Variants in DACH1 observed in about 807,000 individuals in gnomAD.
DACH1 encodes the protein dachshund homolog 1.
Under a neutral mutation model 54.2 loss-of-function variants are expected in DACH1, and 12 were observed. That is an observed-to-expected ratio of 0.22 (90% CI 0.14 to 0.36). The LOEUF is 0.36. Ranked by LOEUF, DACH1 falls within the 10% of genes least tolerant of loss-of-function variation. The pLI, the probability that DACH1 is intolerant of heterozygous loss-of-function variation, is 1.00. For missense variants in DACH1, 805 were observed against 929.8 expected, an observed-to-expected ratio of 0.87 and a Z score of 1.75; for synonymous variants, 386 against 366.2, an observed-to-expected ratio of 1.05 and a Z score of -0.62.
intron 1 of DACH1, among the ~76,000 whole-genome samples, chr13:71,771,290 C>A: frequency 6.7e-6 from 1 of 148,534 alleles, no homozygotes; most frequent in Non-Finnish European, 1.5e-5. Flanking sequence ...AAGAACACCA[C>A]CAGCAAATGC....
At chr13:71,776,029 T>C (rs1381706069) in intron 1 of DACH1, among the ~76,000 whole-genome samples, 2 of 152,140 alleles carry the variant, frequency 1.3e-5, no homozygotes, top group Non-Finnish European at 2.9e-5. Context: ...ATTTCTTGAC[T>C]TTTCAGTTTG....
chr13:71,595,774 C>T (rs1010558617), intron 3 of DACH1, among the ~76,000 whole-genome samples: 2 of 152,122 alleles, frequency 1.3e-5, no homozygotes, highest in Admixed American at 1.3e-4. Context: ...TCTCTGCCCA[C>T]TCCTTAGGAG....
At chr13:71,695,747 C>G (rs1454868559) in intron 1 of DACH1, among the ~76,000 whole-genome samples, 1 of 152,174 alleles carries the variant, frequency 6.6e-6, no homozygotes, top group African/African-American at 2.4e-5. Flanking sequence ...GAGATAATCA[C>G]CAAGGCTTGT....
At chr13:71,519,862 G>A (rs1402319985) in intron 6 of DACH1, among the ~76,000 whole-genome samples, 1 of 43,258 alleles carries the variant, frequency 2.3e-5, no homozygotes, top group African/African-American at 4.8e-5. Flanking sequence ...TTGTTTAGAT[G>A]TTTGTGTCCA....
intron 10 of DACH1, among the ~76,000 whole-genome samples, chr13:71,468,726 T>C (rs1375366159): frequency 6.6e-6 from 1 of 152,226 alleles, no homozygotes. Context: ...GTCGCTGACA[T>C]TGTAAATTTA....
In DACH1 at chr13:71,550,218, T is replaced by C. The variant is rs188474765; in HGVS notation, c.1570+6806A>G. Reference sequence around the variant, plus strand: ...ACCACTTGCTCATTAGCTAACTTGATAGTAGTAATGGTTTCCATTGGATAT... The same window carrying C: ...ACCACTTGCTCATTAGCTAACTTGACAGTAGTAATGGTTTCCATTGGATAT... On this transcript the variant is annotated intron_variant, in intron 6 of 10. Transcript: ENST00000613252. Among the ~76,000 whole-genome samples, 16 of 152,288 alleles carry C rather than the reference T, an allele frequency of 1.1e-4. No homozygotes were observed. In the East Asian group the frequency reaches 1.7e-3, roughly 17 times the overall value.
Position 71,694,465 on chromosome 13 carries a change from ACCT to A in DACH1, c.849-12558_849-12556del. On this transcript the variant is annotated intron_variant, in intron 1 of 10. Transcript: ENST00000613252. The stretch of plus-strand genomic sequence containing the variant: ...TCATTACCTGACATAGATGATACCT[ACCT>A]ATGCACCAAACATTGCTGTTAATAT... 1.3e-5 allele frequency among the ~76,000 whole-genome samples: 2 copies of A among 152,266 alleles called. 1 individual carries two copies. Among genetic ancestry groups the A allele is most frequent in the Admixed American group, 1.3e-4 (2 of 15,306 alleles).
chr13:71,682,860 T>C (rs2138704602), intron 1 of DACH1, among the ~76,000 whole-genome samples: 1 of 152,282 alleles, frequency 6.6e-6, no homozygotes, highest in East Asian at 1.9e-4. Flanking sequence ...GTATATAATA[T>C]TACAATTTTT....
chr13:71,566,904 A>G (rs1229541157), intron 4 of DACH1, among the ~76,000 whole-genome samples: 2 of 152,172 alleles, frequency 1.3e-5, no homozygotes, highest in Non-Finnish European at 2.9e-5. Context: ...TCTGTAACTA[A>G]AAACCAACAT....
intron 6 of DACH1, among the ~76,000 whole-genome samples, chr13:71,489,492 G>T (rs1448848653): frequency 6.6e-6 from 1 of 152,028 alleles, no homozygotes; most frequent in Non-Finnish European, 1.5e-5. Context: ...CTTTTAGTTT[G>T]TTCTGTTTGG....
chr13:71,741,389 G>C (rs903755327), intron 1 of DACH1, among the ~76,000 whole-genome samples: 10 of 152,126 alleles, frequency 6.6e-5, no homozygotes, highest in African/African-American at 2.4e-4. Flanking sequence ...AACTTTGTTC[G>C]TCTTATTGTT....
chr13:71,743,004 A>C (rs1291117811), intron 1 of DACH1, among the ~76,000 whole-genome samples: 1 of 152,136 alleles, frequency 6.6e-6, no homozygotes, highest in East Asian at 1.9e-4. Flanking sequence ...TGATTGGACA[A>C]CTTTTTGAAT....
chr13:71,529,183 G>GTTTTTTTTTTTTTT (rs10707603), intron 6 of DACH1, among the ~76,000 whole-genome samples: 2 of 80,980 alleles, frequency 2.5e-5, no homozygotes, highest in African/African-American at 8.7e-5. Flanking sequence ...TGTGATTTGG[G>GTTTTTTTTTTTTTT]TTTTTTTTTT....
At chr13:71,460,668 A>C (rs1875992031) in intron 10 of DACH1, among the ~76,000 whole-genome samples, 1 of 152,008 alleles carries the variant, frequency 6.6e-6, no homozygotes, top group Admixed American at 6.6e-5. Context: ...TTGTTATATT[A>C]GTGGGTGTAA....
intron 3 of DACH1, among the ~76,000 whole-genome samples, chr13:71,629,646 A>G (rs928069487): frequency 9.9e-5 from 15 of 152,160 alleles, no homozygotes; most frequent in African/African-American, 3.6e-4. Flanking sequence ...GAAATAATCT[A>G]TGAAAATGCT....
At chr13:71,735,271 C>CACGTATATGGGATAT (rs1883997202) in intron 1 of DACH1, among the ~76,000 whole-genome samples, 13 of 49,496 alleles carry the variant, frequency 2.6e-4, no homozygotes, top group African/African-American at 4.9e-4. Context: ...ATATGGGATA[C>CACGTATATGGGATAT]ACGTATGTAT....
At chr13:71,840,353 T>C (rs908711055) in intron 1 of DACH1, among the ~76,000 whole-genome samples, 1 of 152,184 alleles carries the variant, frequency 6.6e-6, no homozygotes, top group Admixed American at 6.5e-5. Context: ...ATTCCCCTAA[T>C]TAAAAATCTT....
At chr13:71,808,071 C>G (rs1001480645) in intron 1 of DACH1, among the ~76,000 whole-genome samples, 2 of 152,156 alleles carry the variant, frequency 1.3e-5, no homozygotes, top group Admixed American at 6.6e-5. Context: ...CCATTACTCT[C>G]TCCTTGACAT....
chr13:71,770,817 TG>T (rs2138034729), intron 1 of DACH1, among the ~76,000 whole-genome samples: 1 of 151,538 alleles, frequency 6.6e-6, no homozygotes, highest in South Asian at 2.1e-4. Context: ...AACAAAACTA[TG>T]TACAGAATAG....
Sources: gnomAD v4.1 joint callset for allele counts (sites outside exome capture counted in the v4.1 genomes callset) on GRCh38, gnomAD v4.1.1 for gene constraint, MANE v1.5 for transcripts, NCBI Gene and HGNC (gene_info 2026-07-23, HGNC 2026-07-21) for gene names.